The following FAT2 variants were observed in gnomAD, a reference collection of about 807,000 sequenced individuals.
FAT2 encodes the protein protocadherin Fat 2.
FAT2 carries 150 observed loss-of-function variants against 295.3 expected under a neutral mutation model. The observed-to-expected ratio is 0.51, with a 90% confidence interval of 0.44 to 0.58. The LOEUF is 0.58. FAT2 is among the 20% of genes least tolerant of loss of function. The pLI is 0.00. For missense variants in FAT2, 4,868 were observed against 5,442.7 expected (o/e 0.89, Z 3.32); for synonymous variants, 2,026 against 2,150.3 (o/e 0.94, Z 1.60).
chr5:151,512,505 G>T lies in FAT2; in HGVS notation c.11565C>A (p.Ile3855=), dbSNP rs774191244. The T allele has an allele frequency of 6.2e-7, 1 of 1,614,176 alleles. No homozygotes were observed. Among genetic ancestry groups the T allele is most frequent in the South Asian group, 1.1e-5 (1 of 91,084 alleles). Reference sequence around the variant, plus strand: ...TGGAAGCGTCCATCTCCTCCACCAGGATGGAGTGCCACTCGTGGTCATTCA... The same window carrying T: ...TGGAAGCGTCCATCTCCTCCACCAGTATGGAGTGCCACTCGTGGTCATTCA... The part of the protein sequence containing the change: ...RHVNDHEWHS[I]LVEEMDASIR... Residue 3855 remains isoleucine, a synonymous_variant, in exon 21 of 24, where the codon ATC becomes ATA. Coordinates refer to ENST00000261800, the MANE Select transcript of FAT2 (RefSeq NM_001447.3). The surrounding 1 kb of genome is among the most constrained non-coding windows in gnomAD (Gnocchi z 4.1).
intron 6 of FAT2, 140 bp from the exon 7 acceptor site, chr5:151,551,746 TTC>T: frequency 1.3e-6 from 1 of 766,466 alleles, no homozygotes; most frequent in South Asian, 2.6e-5. Context: ...TTGTAGTTTA[TTC>T]TCCCAGGGAG....
intron 13 of FAT2, among the ~76,000 whole-genome samples, chr5:151,533,380 A>T (rs1754865751): frequency 7.0e-6 from 1 of 142,176 alleles, no homozygotes; most frequent in African/African-American, 2.5e-5. Context: ...TTCCACTTGC[A>T]CTTGTTATCT....
chr5:151,533,358 C>T (rs778423899), intron 13 of FAT2, among the ~76,000 whole-genome samples: 4 of 151,174 alleles, frequency 2.6e-5, no homozygotes, highest in Non-Finnish European at 4.4e-5. Context: ...TTCTGTATCT[C>T]AAGCAAGTCT....
chr5:151,512,086 C>G lies in FAT2; in HGVS notation c.11905+79G>C. 7.2e-7 allele frequency: 1 copy of G among 1,393,720 alleles called. No individual in the cohort carries two copies. Among genetic ancestry groups the G allele is most frequent in the East Asian group, 2.3e-5 (1 of 42,734 alleles). 86.3% of individuals were successfully genotyped at this position (1,393,720 alleles called of 1,614,324 possible). A position where few individuals can be genotyped will look rare whatever the true frequency, so the allele number is the denominator to read the frequency against. ...ATTTGGAACCAGGAGGCTCTGAGATCTCCACCCTGACATGCTTTTCCCACC... is the reference window on the plus strand; with the variant it reads ...ATTTGGAACCAGGAGGCTCTGAGATGTCCACCCTGACATGCTTTTCCCACC... On this transcript the variant is annotated intron_variant, in intron 21 of 23. Transcript: ENST00000261800. The surrounding 1 kb of genome is among the most constrained non-coding windows in gnomAD (Gnocchi z 4.1).
intron 1 of FAT2, among the ~76,000 whole-genome samples, chr5:151,574,335 GT>G (rs1374344551): frequency 6.6e-6 from 1 of 152,122 alleles, no homozygotes; most frequent in African/African-American, 2.4e-5. Flanking sequence ...CCCTCTAATT[GT>G]CCCACCCCTC....
At chr5:151,570,724 A>G (rs1364934817) in intron 1 of FAT2, among the ~76,000 whole-genome samples, 1 of 152,230 alleles carries the variant, frequency 6.6e-6, no homozygotes, top group Non-Finnish European at 1.5e-5. Context: ...GCGCTGGAGC[A>G]TTCTTGGATG....
chr5:151,566,028 G>A lies in FAT2; in HGVS notation c.2904C>T (p.Ala968=). 6.2e-7 allele frequency: 1 copy of A among 1,614,128 alleles called. No homozygotes were observed. The change falls in exon 2 of 24, where the codon GCC becomes GCT. Residue 968 remains alanine (A), a synonymous_variant. Transcript: ENST00000261800. ...GEVRYVLMDG[A]HGTFRVDLMT... The stretch of plus-strand genomic sequence containing the variant: ...TCAGGTCCACCCGGAAGGTCCCATG[G>A]GCGCCATCCATCAGAACATATCGCA...
chr5:151,546,543 T>A (rs996298399), intron 9 of FAT2, among the ~76,000 whole-genome samples: 6 of 152,148 alleles, frequency 3.9e-5, no homozygotes, highest in Admixed American at 2.0e-4. Flanking sequence ...CATATCACCA[T>A]CAATTATCAC....
intron 13 of FAT2, among the ~76,000 whole-genome samples, chr5:151,532,399 A>G (rs944921355): frequency 6.8e-6 from 1 of 146,036 alleles, no homozygotes; most frequent in African/African-American, 2.7e-5. Context: ...ACACACACAC[A>G]CACACACACA....
At chr5:151,555,041 G>A (rs1343478402) in intron 4 of FAT2, among the ~76,000 whole-genome samples, 2 of 152,220 alleles carry the variant, frequency 1.3e-5, no homozygotes, top group African/African-American at 4.8e-5. Flanking sequence ...GAAAATAAAT[G>A]AGAAAATGTT....
Position 151,554,679 on chromosome 5 carries a change from A to G in FAT2, c.3634-6T>C, listed in dbSNP as rs1322130760. 2 of 1,602,292 alleles carry G rather than the reference A, an allele frequency of 1.2e-6. No homozygotes were observed. The highest frequency in any genetic ancestry group is 1.7e-6 in the Non-Finnish European group (2 of 1,174,004). ...CCATTGTCCAGCACAGTCACCTGGG[A>G]GCAGAATTGAGCATGAGCACCTGAG... is the stretch of plus-strand genomic sequence containing the variant. On this transcript the variant is annotated splice_region_variant and splice_polypyrimidine_tract_variant and intron_variant, in intron 4 of 23. Coordinates refer to ENST00000261800, the MANE Select transcript of FAT2 (RefSeq NM_001447.3).
rs1433145628 is a variant in FAT2 at position 151,545,682 on chromosome 5, A to C, written c.5445T>G (p.Ile1815Met). The change falls in exon 10 of 24, where the codon ATT (isoleucine) becomes ATG (methionine). Residue 1815 changes from isoleucine to methionine, a missense_variant. By Grantham distance (10) the Ile-to-Met change is conservative (BLOSUM62 1). Coordinates refer to ENST00000261800, the MANE Select transcript of FAT2 (RefSeq NM_001447.3). ...LEPEALKFFKIDPSMGTLTIV... is the reference protein window; with the variant it reads ...LEPEALKFFKMDPSMGTLTIV... Reference sequence around the variant, plus strand: ...TGGTTAGGGTTCCCATGCTGGGATCAATTTTGAAAAACTTCAAGGCCTCCG... The same window carrying C: ...TGGTTAGGGTTCCCATGCTGGGATCCATTTTGAAAAACTTCAAGGCCTCCG... 3 of 1,614,210 alleles carry C rather than the reference A, an allele frequency of 1.9e-6. No homozygotes were observed. The South Asian group carries it at 3.3e-5, about 18-fold the overall frequency.
At chr5:151,550,951 C>A in intron 7 of FAT2, 80 bp from the exon 8 acceptor site, 1 of 1,329,250 alleles carries the variant, frequency 7.5e-7, no homozygotes, top group Non-Finnish European at 1.1e-6. Context: ...CTCCCTGTAT[C>A]ACCCAGGCCT....
At chr5:151,572,946 C>A (rs1332671769) in intron 1 of FAT2, among the ~76,000 whole-genome samples, 3 of 152,242 alleles carry the variant, frequency 2.0e-5, no homozygotes, top group Non-Finnish European at 4.4e-5. Context: ...AAGAGACCTG[C>A]ATCTGAGTGA....
In FAT2 at chr5:151,505,635, A is replaced by C. The variant is rs1166762944; in HGVS notation, c.12980T>G (p.Val4327Gly). 1.9e-6 allele frequency: 3 copies of C among 1,614,056 alleles called. No individual in the cohort carries two copies. Among genetic ancestry groups the C allele is most frequent in the South Asian group, 1.1e-5 (1 of 91,088 alleles). Residue 4327 changes from valine to glycine, a missense_variant, in exon 24 of 24, where the codon GTG becomes GGG. By Grantham distance (109) the Val-to-Gly change is moderately radical (BLOSUM62 -3). This residue lies in a region of FAT2 where 492 missense variants were observed against 482.6 expected (regional missense o/e 1.02). Coordinates refer to ENST00000261800, the MANE Select transcript of FAT2 (RefSeq NM_001447.3). ...APLAGQGQPR[V>G]PPNYEGSDMV... Reference sequence around the variant, plus strand: ...GTCAGAGCCCTCATAGTTGGGGGGCACCCGGGGCTGGCCCTGGCCTGCAAG... The same window carrying C: ...GTCAGAGCCCTCATAGTTGGGGGGCCCCCGGGGCTGGCCCTGGCCTGCAAG...
intron 21 of FAT2, chr5:151,511,869 A>G: frequency 2.4e-6 from 1 of 411,684 alleles, no homozygotes. Context: ...GACTGTGCAT[A>G]GACCAGTGAT....
intron 3 of FAT2, among the ~76,000 whole-genome samples, chr5:151,562,140 A>C (rs35957412): frequency 0.48 from 72,489 of 151,664 alleles, 17,539 homozygotes; most frequent in Non-Finnish European, 0.53. Flanking sequence ...AAATGTTACC[A>C]GGCAAATAGG....
At position 151,521,948 on chromosome 5, in the gene FAT2, T is replaced by C; in HGVS notation, c.10645A>G (p.Met3549Val). ...TCTGTGGCATGGATCTTACCCACCATGCCACCCTGGAACTCATCCTCTCCA... is the reference window on the plus strand; with the variant it reads ...TCTGTGGCATGGATCTTACCCACCACGCCACCCTGGAACTCATCCTCTCCA... ...TVGEDEFQGGMVGKIHATDRD... is the reference protein window; with the variant it reads ...TVGEDEFQGGVVGKIHATDRD... The change falls in exon 19 of 24, where the codon ATG becomes GTG. Residue 3549 changes from methionine (M) to valine (V), a missense_variant. Transcript: ENST00000261800. The C allele has an allele frequency of 6.2e-7, 1 of 1,614,186 alleles. No homozygotes were observed. The highest frequency in any genetic ancestry group is 1.3e-5 in the African/African-American group (1 of 75,046).
rs370129295 is a variant in FAT2, at chr5:151,568,556, A to C, written c.376T>G (p.Leu126Val). ...TLIIQATEKT[L>V]ELEALTRVVV... is the part of the protein sequence containing the mutation. ...ACACGGGTCAAAGCTTCCAACTCCA[A>C]GGTCTTCTCTGTGGCTTGGATGATG... Residue 126 changes from leucine to valine, a missense_variant, in exon 2 of 24, where the codon TTG becomes GTG. This residue lies in a region of FAT2 where 3,297 missense variants were observed against 3,669.4 expected (regional missense o/e 0.90). Coordinates refer to ENST00000261800, the MANE Select transcript of FAT2 (RefSeq NM_001447.3). 1.2e-6 allele frequency: 2 copies of C among 1,614,050 alleles called. No homozygotes were observed. Among genetic ancestry groups the C allele is most frequent in the Non-Finnish European group, 8.5e-7 (1 of 1,180,002 alleles).
Sources: allele counts gnomAD v4.1 joint callset (sites outside exome capture counted in the v4.1 genomes callset), GRCh38; gene constraint gnomAD v4.1.1; regional missense constraint gnomAD v4.1.1; non-coding constraint Gnocchi (gnomAD v3.1); transcripts MANE v1.5; gene names NCBI Gene and HGNC (gene_info 2026-07-23, HGNC 2026-07-21).